Variants in GRIN2A observed in about 807,000 individuals in gnomAD.
GRIN2A encodes glutamate receptor ionotropic, NMDA 2A.
GRIN2A carries 22 observed loss-of-function variants against 113.4 expected under a neutral mutation model. The ratio of observed to expected loss-of-function variants is 0.19; its 90% CI spans 0.14 to 0.28. The LOEUF (loss-of-function observed/expected upper bound fraction) is 0.28, where lower values mean the gene tolerates loss of function less well. Ranked by LOEUF, GRIN2A falls within the 10% of genes least tolerant of loss-of-function variation. The pLI is 1.00. For missense variants in GRIN2A, 1,502 were observed against 1,887.0 expected (o/e 0.80, Z 3.78); for synonymous variants, 827 against 738.4 (o/e 1.12, Z -1.94).
intron 4 of GRIN2A, among the ~76,000 whole-genome samples, chr16:9,852,459 C>T (rs1190409400): frequency 6.6e-6 from 1 of 152,196 alleles, no homozygotes; most frequent in Non-Finnish European, 1.5e-5. Flanking sequence ...CAGTCCAACG[C>T]TCGCTCATGG....
At chr16:10,085,246 T>C (rs1470253105) in intron 2 of GRIN2A, among the ~76,000 whole-genome samples, 2 of 152,036 alleles carry the variant, frequency 1.3e-5, no homozygotes, top group African/African-American at 4.8e-5. Flanking sequence ...GAGTGTAGCA[T>C]CCAGCAGAAA....
chr16:9,875,873 G>A (rs1251862264), intron 4 of GRIN2A, among the ~76,000 whole-genome samples: 5 of 152,092 alleles, frequency 3.3e-5, no homozygotes, highest in African/African-American at 1.2e-4. Context: ...GTGTCCCAGT[G>A]TGCCATGTGC....
intron 2 of GRIN2A, among the ~76,000 whole-genome samples, chr16:10,101,104 C>T (rs4552023): frequency 0.44 from 66,437 of 152,112 alleles, 15,703 homozygotes; most frequent in Admixed American, 0.58. Flanking sequence ...ACATGGGGCC[C>T]GGCAACTTCT....
chr16:9,982,900 G>A (rs530779049), intron 2 of GRIN2A, among the ~76,000 whole-genome samples: 2 of 152,270 alleles, frequency 1.3e-5, no homozygotes, highest in Admixed American at 6.5e-5. Flanking sequence ...TCTAAGTGGA[G>A]GAGTACTTAG....
intron 2 of GRIN2A, among the ~76,000 whole-genome samples, chr16:10,042,274 A>G (rs1171844207): frequency 1.3e-5 from 2 of 152,208 alleles, no homozygotes; most frequent in Non-Finnish European, 2.9e-5. Flanking sequence ...GACAAAAGAC[A>G]GTGTGATTTC....
At chr16:10,001,261 A>G (rs1281085061) in intron 2 of GRIN2A, among the ~76,000 whole-genome samples, 1 of 152,206 alleles carries the variant, frequency 6.6e-6, no homozygotes, top group East Asian at 1.9e-4. Context: ...AATGGCACCA[A>G]TATTGGAACC....
intron 2 of GRIN2A, among the ~76,000 whole-genome samples, chr16:10,069,977 G>A (rs760932163): frequency 4.6e-5 from 7 of 152,188 alleles, no homozygotes; most frequent in Non-Finnish European, 1.0e-4. Context: ...GTACCTGTGG[G>A]TTCCCTCTTG....
At chr16:10,026,358 C>T (rs1410617035) in intron 2 of GRIN2A, among the ~76,000 whole-genome samples, 1 of 152,102 alleles carries the variant, frequency 6.6e-6, no homozygotes, top group Admixed American at 6.6e-5. Context: ...GTGCACTGTC[C>T]AGCATGTACA....
intron 2 of GRIN2A, among the ~76,000 whole-genome samples, chr16:9,966,900 C>T (rs1567205484): frequency 1.3e-5 from 2 of 152,206 alleles, no homozygotes; most frequent in Non-Finnish European, 2.9e-5. Context: ...CCAGAAACCA[C>T]ACTTTGAGAA....
At position 9,924,129 on chromosome 16, in the gene GRIN2A, A is replaced by AAAAAAAAAAAC. The variant is rs1555453706; in HGVS notation, c.1007+13819_1007+13829dup. On this transcript the variant is annotated intron_variant, in intron 3 of 12. Coordinates refer to ENST00000330684, the MANE Select transcript of GRIN2A (RefSeq NM_001134407.3). ...TGGTCTCAAAAAAAAAAAAAAAAAA[A>AAAAAAAAAAAC]AAAAAAAAAACAAAAACCTCATGCG... 9.9e-4 allele frequency among the ~76,000 whole-genome samples: 132 copies of AAAAAAAAAAAC among 132,798 alleles called. 4 individuals are homozygous for AAAAAAAAAAAC. The highest frequency in any genetic ancestry group is 9.8e-4 in the African/African-American group (34 of 34,754). The allele number at this position is 132,798 out of a possible 152,430, so 87.1% of individuals were successfully genotyped here.
rs1487356919 is a variant in GRIN2A, at chr16:9,764,283, T to A, written c.3261A>T (p.Lys1087Asn). The change falls in exon 13 of 13, where the codon AAA becomes AAT. Residue 1087 changes from lysine (K) to asparagine (N), a missense_variant. This residue lies in a region of GRIN2A where 832 missense variants were observed against 789.7 expected (regional missense o/e 1.05). Transcript: ENST00000330684. ...TGGGGTATTTGGAGGCCACTGACCTTTTAAAGTTGTCCTTGGTTTTGTGGT... is the reference window on the plus strand; with the variant it reads ...TGGGGTATTTGGAGGCCACTGACCTATTAAAGTTGTCCTTGGTTTTGTGGT... ...SKNHKTKDNF[K>N]RSVASKYPKD... 1 of 1,613,824 alleles carries A rather than the reference T, an allele frequency of 6.2e-7. No homozygotes were observed. The highest frequency in any genetic ancestry group is 2.2e-5 in the East Asian group (1 of 44,870).
chr16:9,822,938 A>C (rs533259948), intron 9 of GRIN2A, among the ~76,000 whole-genome samples: 3 of 152,242 alleles, frequency 2.0e-5, no homozygotes, highest in African/African-American at 4.8e-5. Context: ...ATTACCACTC[A>C]TTCATTCTCC....
At chr16:10,097,917 G>T (rs2048325005) in intron 2 of GRIN2A, among the ~76,000 whole-genome samples, 1 of 152,072 alleles carries the variant, frequency 6.6e-6, no homozygotes, top group Non-Finnish European at 1.5e-5. Context: ...CAAAGCAAAT[G>T]CAACAAAAAC....
At chr16:9,934,678 TAAAAA>T (rs33916243) in intron 3 of GRIN2A, among the ~76,000 whole-genome samples, 4 of 50,942 alleles carry the variant, frequency 7.9e-5, no homozygotes, top group Non-Finnish European at 1.0e-4. Flanking sequence ...AGACTCTGTC[TAAAAA>T]AAAAAAAAAA....
intron 2 of GRIN2A, among the ~76,000 whole-genome samples, chr16:10,151,039 G>T (rs2049557115): frequency 6.6e-6 from 1 of 152,104 alleles, no homozygotes; most frequent in South Asian, 2.1e-4. Flanking sequence ...GTTGAGCTGG[G>T]GACTAAACAA....
intron 2 of GRIN2A, among the ~76,000 whole-genome samples, chr16:10,040,081 CCACA>C (rs2047130193): frequency 7.7e-5 from 4 of 52,286 alleles, no homozygotes; most frequent in South Asian, 6.1e-4. Context: ...CATCCACACA[CCACA>C]CACACAAATA....
intron 2 of GRIN2A, among the ~76,000 whole-genome samples, chr16:10,157,690 A>G (rs1405006865): frequency 6.6e-6 from 1 of 152,182 alleles, no homozygotes. Flanking sequence ...TGAGAACAGC[A>G]TGGGGGAAAC....
At chr16:9,773,836 A>G (rs1020376682) in intron 11 of GRIN2A, among the ~76,000 whole-genome samples, 3 of 152,238 alleles carry the variant, frequency 2.0e-5, no homozygotes, top group African/African-American at 7.2e-5. Context: ...CTGTAAGTTC[A>G]GTAGAAGGAG....
At chr16:9,993,037 A>C (rs1389017039) in intron 2 of GRIN2A, among the ~76,000 whole-genome samples, 1 of 150,712 alleles carries the variant, frequency 6.6e-6, no homozygotes, top group Non-Finnish European at 1.5e-5. Flanking sequence ...CAAACATGGC[A>C]AAACCTCATC....
Sources: gnomAD v4.1 joint callset for allele counts (sites outside exome capture counted in the v4.1 genomes callset) on GRCh38, gnomAD v4.1.1 for gene constraint, gnomAD v4.1.1 regional missense constraint, MANE v1.5 for transcripts, NCBI Gene and HGNC (gene_info 2026-07-23, HGNC 2026-07-21) for gene names.